PACRG: variants seen among roughly 807,000 people sequenced by gnomAD.
PACRG encodes the protein parkin coregulated.
In PACRG, 29 loss-of-function variants were observed where a neutral mutation model predicts 29.7. The observed-to-expected ratio is 0.98, with a 90% CI of 0.73 to 1.33. The LOEUF (loss-of-function observed/expected upper bound fraction) is 1.33. PACRG is among the 40% of genes most tolerant of loss of function. The pLI is 0.00. For synonymous variants in PACRG, 116 were observed against 118.7 expected (o/e 0.98, Z 0.15); for missense variants, 279 against 316.2 (o/e 0.88, Z 0.89).
At chr6:162,761,399 C>T (rs777293970) in intron 1 of PACRG, among the ~76,000 whole-genome samples, 41 of 152,042 alleles carry the variant, frequency 2.7e-4, no homozygotes, top group Non-Finnish European at 5.7e-4. Context: ...TATAAAGGCG[C>T]AGGATCACGA....
chr6:162,782,651 T>G (rs1022359624), intron 1 of PACRG, among the ~76,000 whole-genome samples: 1 of 151,846 alleles, frequency 6.6e-6, no homozygotes, highest in Non-Finnish European at 1.5e-5. Flanking sequence ...ACTTCTCTGG[T>G]TTATTTACAT....
chr6:162,766,515 G>T (rs1205043308), intron 1 of PACRG, among the ~76,000 whole-genome samples: 1 of 152,178 alleles, frequency 6.6e-6, no homozygotes, highest in Non-Finnish European at 1.5e-5. Flanking sequence ...GCAATGAACA[G>T]AGGAGTGCAA....
intron 2 of PACRG, among the ~76,000 whole-genome samples, chr6:162,951,847 G>C (rs1799677580): frequency 6.6e-6 from 1 of 152,132 alleles, no homozygotes; most frequent in Non-Finnish European, 1.5e-5. Flanking sequence ...TAGTCTTACT[G>C]GGGAGGGGAG....
At chr6:162,861,035 G>A (rs977024) in intron 2 of PACRG, among the ~76,000 whole-genome samples, 103,040 of 152,082 alleles carry the variant, frequency 0.68, 36,367 homozygotes, top group African/African-American at 0.9. Flanking sequence ...AAGGCCTATC[G>A]GGGAGAAAAA....
intron 2 of PACRG, among the ~76,000 whole-genome samples, chr6:162,818,644 T>A (rs1274491634): frequency 6.6e-6 from 1 of 152,206 alleles, no homozygotes; most frequent in Admixed American, 6.5e-5. Flanking sequence ...TCATTTATTT[T>A]GAAGATGGAA....
At chr6:163,314,775 T>C in intron 4 of PACRG, 52 bp from the exon 5 acceptor site, 1 of 1,589,584 alleles carries the variant, frequency 6.3e-7, no homozygotes, top group Non-Finnish European at 8.6e-7. Context: ...GTAGGACTTT[T>C]CGGGAAATTG....
chr6:163,247,939 T>C (rs1782753878), intron 4 of PACRG, among the ~76,000 whole-genome samples: 1 of 152,246 alleles, frequency 6.6e-6, no homozygotes, highest in African/African-American at 2.4e-5. Context: ...TACACTTCTG[T>C]AACATTGGCA....
chr6:163,044,128 G>T (rs1055705875), intron 2 of PACRG, among the ~76,000 whole-genome samples: 1 of 151,950 alleles, frequency 6.6e-6, no homozygotes, highest in Non-Finnish European at 1.5e-5. Context: ...GAAAAAATAA[G>T]GGTTGGATGT....
chr6:162,764,274 CA>C (rs911673398), intron 1 of PACRG, among the ~76,000 whole-genome samples: 1 of 150,738 alleles, frequency 6.6e-6, no homozygotes, highest in Non-Finnish European at 1.5e-5. Context: ...GACTCCATCA[CA>C]AAAAAAGGGG....
At chr6:162,926,400 C>T (rs1288281288) in intron 2 of PACRG, among the ~76,000 whole-genome samples, 2 of 152,126 alleles carry the variant, frequency 1.3e-5, no homozygotes. Context: ...TGACTTCAAA[C>T]TATACTGCAA....
At chr6:163,028,838 T>A (rs546469312) in intron 2 of PACRG, among the ~76,000 whole-genome samples, 1 of 152,218 alleles carries the variant, frequency 6.6e-6, no homozygotes, top group Non-Finnish European at 1.5e-5. Context: ...TCTTATAAAT[T>A]TGTTGGAAGT....
intron 3 of PACRG, among the ~76,000 whole-genome samples, chr6:163,066,340 A>G (rs937511881): frequency 6.6e-6 from 1 of 152,246 alleles, no homozygotes; most frequent in African/African-American, 2.4e-5. Context: ...CTGTGGACGC[A>G]GTGACTGCAG....
In PACRG at chr6:163,168,220, T is replaced by G. The variant is rs553810211; in HGVS notation, c.613+78812T>G. On this transcript the variant is annotated intron_variant, in intron 4 of 4. Coordinates refer to ENST00000366888, the MANE Select transcript of PACRG (RefSeq NM_001080379.2). Reference sequence around the variant, plus strand: ...GGCCGGGTGTGGTGGCTCATGCCTGTAATCCTAGCACTTTGGGAGGCTGAG... The same window carrying G: ...GGCCGGGTGTGGTGGCTCATGCCTGGAATCCTAGCACTTTGGGAGGCTGAG... 1.2e-4 allele frequency among the ~76,000 whole-genome samples: 18 copies of G among 152,334 alleles called. No homozygotes were observed. The South Asian group carries it at 3.7e-3, about 32-fold the overall frequency.
chr6:163,286,366 A>G (rs1200262800), intron 4 of PACRG, among the ~76,000 whole-genome samples: 1 of 152,194 alleles, frequency 6.6e-6, no homozygotes, highest in Non-Finnish European at 1.5e-5. Context: ...ACTACCCATA[A>G]TAACACAGGT....
intron 4 of PACRG, among the ~76,000 whole-genome samples, chr6:163,265,239 C>T (rs964159819): frequency 6.6e-6 from 1 of 152,176 alleles, no homozygotes; most frequent in African/African-American, 2.4e-5. Context: ...AGGAAGCTGC[C>T]TCTCAGTCGG....
Position 162,817,135 on chromosome 6 carries a change from G to A in PACRG, c.291+2854G>A, listed in dbSNP as rs575030291. ...GGCTCCGAAGGACTTAGGATGCACT[G>A]GCTGTAAACCCCGGCACAGGCTGCC... On this transcript the variant is annotated intron_variant, in intron 2 of 4. Coordinates refer to ENST00000366888, the MANE Select transcript of PACRG (RefSeq NM_001080379.2). Among the ~76,000 whole-genome samples, 3 of 152,292 alleles carry A rather than the reference G, an allele frequency of 2.0e-5. No individual in the cohort carries two copies. The South Asian group carries it at 6.2e-4, about 32-fold the overall frequency.
chr6:162,906,661 C>T (rs1374364936), intron 2 of PACRG, among the ~76,000 whole-genome samples: 4 of 152,140 alleles, frequency 2.6e-5, no homozygotes, highest in African/African-American at 9.7e-5. Context: ...GTGGTGTTTA[C>T]CTGTACATCA....
chr6:163,309,048 C>T (rs1371046265), intron 4 of PACRG, among the ~76,000 whole-genome samples: 2 of 152,008 alleles, frequency 1.3e-5, no homozygotes. Flanking sequence ...TTAAATTCCA[C>T]TCAGTGTTGC....
chr6:162,762,455 C>T (rs1782450929), intron 1 of PACRG, among the ~76,000 whole-genome samples: 1 of 152,192 alleles, frequency 6.6e-6, no homozygotes, highest in South Asian at 2.1e-4. Context: ...TCTCTGTCCA[C>T]ACAGGTGAGC....
Sources: gnomAD v4.1 joint callset for allele counts (sites outside exome capture counted in the v4.1 genomes callset) on GRCh38, gnomAD v4.1.1 for gene constraint, MANE v1.5 for transcripts, NCBI Gene and HGNC (gene_info 2026-07-23, HGNC 2026-07-21) for gene names.